Variants in MS4A8 observed in about 807,000 individuals in gnomAD.
The protein encoded by MS4A8 is membrane spanning 4-domains A8.
MS4A8 carries 27 observed loss-of-function variants against 23.7 expected under a neutral mutation model. The ratio of observed to expected loss-of-function variants is 1.14; its 90% CI spans 0.84 to 1.57. The LOEUF (loss-of-function observed/expected upper bound fraction) is 1.57, where lower values mean the gene tolerates loss of function less well. MS4A8 is among the 40% of genes most tolerant of loss of function. MS4A8 has a pLI of 0.00. For missense variants in MS4A8, 301 were observed against 311.4 expected (o/e 0.97, Z 0.25); for synonymous variants, 138 against 126.3 (o/e 1.09, Z -0.62).
rs371475603 is a variant in MS4A8 at position 60,715,147 on chromosome 11, G to A, written c.648+13G>A. The A allele has an allele frequency of 6.3e-7, 1 of 1,597,670 alleles. No homozygotes were observed. On this transcript the variant is annotated intron_variant, in intron 6 of 6. Coordinates refer to ENST00000300226, the MANE Select transcript of MS4A8 (RefSeq NM_031457.2). ...TCAATCAAGCAATGTGAGTCCCAGG[G>A]TTCCTCAGTGGGTGGAAAGATGCCC...
Position 60,703,415 on chromosome 11 carries a change from T to G in MS4A8, c.257T>G (p.Leu86Arg). 6.2e-7 allele frequency: 1 copy of G among 1,604,432 alleles called. No homozygotes were observed. The highest frequency in any genetic ancestry group is 8.5e-7 in the Non-Finnish European group (1 of 1,176,198). ...QIIIGLAHIG[L>R]GSIMATVLVG... The stretch of plus-strand genomic sequence containing the variant: ...ATCATTGGCCTGGCTCACATCGGCC[T>G]CGGCTCCATCATGGCGACGGTTCTC... Residue 86 changes from leucine (L) to arginine (R), a missense_variant, in exon 3 of 7, where the codon CTC (leucine) becomes CGC (arginine). Coordinates refer to ENST00000300226, the MANE Select transcript of MS4A8 (RefSeq NM_031457.2).
chr11:60,705,700 A>C (rs938212178), intron 3 of MS4A8, among the ~76,000 whole-genome samples: 5 of 152,244 alleles, frequency 3.3e-5, no homozygotes, highest in African/African-American at 9.6e-5. Context: ...AGCTGGAATA[A>C]GTTTTCACTG....
chr11:60,707,735 G>A (rs1193739015), intron 4 of MS4A8, among the ~76,000 whole-genome samples: 3 of 151,970 alleles, frequency 2.0e-5, no homozygotes, highest in Non-Finnish European at 4.4e-5. Flanking sequence ...AAGACACTTG[G>A]GCTAAGATTC....
chr11:60,710,608 G>C (rs926474166), intron 5 of MS4A8, among the ~76,000 whole-genome samples: 4 of 152,106 alleles, frequency 2.6e-5, no homozygotes, highest in African/African-American at 9.7e-5. Context: ...CCTCCTGACT[G>C]TTCCCTTTCT....
rs981932730 is a variant in MS4A8 at position 60,701,001 on chromosome 11, T to G, written c.141T>G (p.Pro47=). The G allele has an allele frequency of 5.6e-6, 9 of 1,614,084 alleles. No homozygotes were observed. The highest frequency in any genetic ancestry group is 7.6e-6 in the Non-Finnish European group (9 of 1,180,040). The change falls in exon 2 of 7, where the codon CCT becomes CCG. Residue 47 remains proline (P), a synonymous_variant. Transcript: ENST00000300226. ...PNSQPQVHLV[P]GNPPSLVSNV... ...GCCAGCCGCAAGTCCACCTAGTTCC[T>G]GGGAACCCACCTAGTTTGGTGTCGA...
Position 60,708,776 on chromosome 11 carries a change from G to T in MS4A8, c.529G>T (p.Gly177Cys), listed in dbSNP as rs753655631. ...AYPDYYPYAW[G>C]VNPGMAISGV... ...CCCCGACTATTATCCTTACGCCTGG[G>T]GTGTGGTGAGTATCCCTCTCAACCA... Residue 177 changes from glycine to cysteine, a missense_variant, in exon 5 of 7, where the codon GGT (glycine) becomes TGT (cysteine). Coordinates refer to ENST00000300226, the MANE Select transcript of MS4A8 (RefSeq NM_031457.2). 39 of 1,613,802 alleles carry T rather than the reference G, an allele frequency of 2.4e-5. No homozygotes were observed. In the Admixed American group the frequency reaches 6.5e-4, roughly 27 times the overall value.
rs773157361 is a variant in MS4A8, at chr11:60,715,053, G to T, written c.567G>T (p.Leu189=). 1.2e-5 allele frequency: 19 copies of T among 1,613,982 alleles called. No individual in the cohort carries two copies. The South Asian group carries it at 1.3e-4, about 11-fold the overall frequency. Residue 189 remains leucine, a synonymous_variant, in exon 6 of 7, where the codon CTG becomes CTT. Coordinates refer to ENST00000300226, the MANE Select transcript of MS4A8 (RefSeq NM_031457.2). ...GAATGGCGATTTCTGGCGTGCTGCT[G>T]GTCTTCTGCCTCCTGGAGTTTGGCA... ...NPGMAISGVL[L]VFCLLEFGIA...
chr11:60,715,227 C>G, intron 6 of MS4A8, 83 bp from the exon 7 acceptor site: 3 of 1,485,064 alleles, frequency 2.0e-6, no homozygotes, highest in Non-Finnish European at 2.8e-6. Flanking sequence ...TGCTCAGGAG[C>G]AGGAGTAGTT....
chr11:60,707,511 T>C (rs975049113), intron 4 of MS4A8, among the ~76,000 whole-genome samples: 165 of 152,324 alleles, frequency 1.1e-3, no homozygotes, highest in African/African-American at 3.9e-3. Context: ...AGAACTCTGA[T>C]AATCAACATG....
At chr11:60,714,622 CCTT>C (rs2088326634) in intron 5 of MS4A8, among the ~76,000 whole-genome samples, 1 of 152,028 alleles carries the variant, frequency 6.6e-6, no homozygotes, top group Non-Finnish European at 1.5e-5. Context: ...GCGCTCAACT[CCTT>C]CTTTTTCCTC....
At chr11:60,713,075 A>G (rs2088313133) in intron 5 of MS4A8, among the ~76,000 whole-genome samples, 5 of 152,062 alleles carry the variant, frequency 3.3e-5, no homozygotes. Context: ...CCTTTCACTG[A>G]CTGTTCTTCC....
intron 1 of MS4A8, 37 bp from the exon 2 acceptor site, chr11:60,700,823 T>A (rs767180589): frequency 6.2e-7 from 1 of 1,609,536 alleles, no homozygotes; most frequent in Non-Finnish European, 8.5e-7. Flanking sequence ...CAAGTCCATA[T>A]GTGAGGGAAA....
chr11:60,704,268 G>T (rs144685654), intron 3 of MS4A8, among the ~76,000 whole-genome samples: 1 of 151,564 alleles, frequency 6.6e-6, no homozygotes, highest in East Asian at 1.9e-4. Context: ...TTACAGACGC[G>T]CACCACCACG....
At position 60,703,377 on chromosome 11, in the gene MS4A8, G is replaced by A. The variant is rs2088222929; in HGVS notation, c.220-1G>A. The A allele has an allele frequency of 6.4e-7, 1 of 1,563,788 alleles. No individual in the cohort carries two copies. Among genetic ancestry groups the A allele is most frequent in the South Asian group, 1.2e-5 (1 of 84,038 alleles). On this transcript the variant is annotated splice_acceptor_variant, in intron 2 of 6. Coordinates refer to ENST00000300226, the MANE Select transcript of MS4A8 (RefSeq NM_031457.2). LOFTEE classifies it high-confidence loss of function. ...ACTTCAGCTTGTGGCTCTCCTGACAGGCCATCCAGATCATCATTGGCCTGG... is the reference window on the plus strand; with the variant it reads ...ACTTCAGCTTGTGGCTCTCCTGACAAGCCATCCAGATCATCATTGGCCTGG...
At chr11:60,711,193 T>G (rs570972222) in intron 5 of MS4A8, among the ~76,000 whole-genome samples, 1 of 152,346 alleles carries the variant, frequency 6.6e-6, no homozygotes, top group Non-Finnish European at 1.5e-5. Flanking sequence ...TAGAACTGTG[T>G]CTGGCACACG....
At chr11:60,704,311 A>G (rs1231421020) in intron 3 of MS4A8, among the ~76,000 whole-genome samples, 2 of 151,686 alleles carry the variant, frequency 1.3e-5, no homozygotes, top group Non-Finnish European at 2.9e-5. Flanking sequence ...AGTAGTGACA[A>G]GATTTCACCA....
At chr11:60,707,609 G>T (rs1243443324) in intron 4 of MS4A8, among the ~76,000 whole-genome samples, 1 of 152,078 alleles carries the variant, frequency 6.6e-6, no homozygotes, top group Non-Finnish European at 1.5e-5. Context: ...GGGTGACCAG[G>T]TCCCTACAAC....
At position 60,700,967 on chromosome 11, in the gene MS4A8, A is replaced by G; in HGVS notation, c.107A>G (p.Tyr36Cys). 1 of 1,614,190 alleles carries G rather than the reference A, an allele frequency of 6.2e-7. No homozygotes were observed. Among genetic ancestry groups the G allele is most frequent in the Non-Finnish European group, 8.5e-7 (1 of 1,180,036 alleles). The stretch of plus-strand genomic sequence containing the variant: ...GGAATTATGTCTCACGTGCCCCTGT[A>G]TCCAAACAGCCAGCCGCAAGTCCAC... Reference protein sequence around the residue: ...TPGIMSHVPLYPNSQPQVHLV... With the variant: ...TPGIMSHVPLCPNSQPQVHLV... The change falls in exon 2 of 7, where the codon TAT becomes TGT. Residue 36 changes from tyrosine (Y) to cysteine (C), a missense_variant. By Grantham distance (194) the Tyr-to-Cys change is radical (BLOSUM62 -2). Coordinates refer to ENST00000300226, the MANE Select transcript of MS4A8 (RefSeq NM_031457.2).
Position 60,715,059 on chromosome 11 carries a change from C to G in MS4A8, c.573C>G (p.Phe191Leu), listed in dbSNP as rs1290487923. The part of the protein sequence containing the change: ...GMAISGVLLV[F>L]CLLEFGIACA... Reference sequence around the variant, plus strand: ...CGATTTCTGGCGTGCTGCTGGTCTTCTGCCTCCTGGAGTTTGGCATCGCAT... The same window carrying G: ...CGATTTCTGGCGTGCTGCTGGTCTTGTGCCTCCTGGAGTTTGGCATCGCAT... The change falls in exon 6 of 7, where the codon TTC (phenylalanine) becomes TTG (leucine). Residue 191 changes from phenylalanine to leucine, a missense_variant. Coordinates refer to ENST00000300226, the MANE Select transcript of MS4A8 (RefSeq NM_031457.2). The G allele has an allele frequency of 6.2e-7, 1 of 1,614,204 alleles. No homozygotes were observed. The highest frequency in any genetic ancestry group is 8.5e-7 in the Non-Finnish European group (1 of 1,180,032).
Sources: allele counts gnomAD v4.1 joint callset (sites outside exome capture counted in the v4.1 genomes callset), GRCh38; gene constraint gnomAD v4.1.1; transcripts MANE v1.5; gene names NCBI Gene and HGNC (gene_info 2026-07-23, HGNC 2026-07-21).